Variants in SYNJ1 observed in about 807,000 individuals in gnomAD.
SYNJ1 encodes polyphosphatidylinositol phosphatase SYNJ1.
SYNJ1 carries 78 observed loss-of-function variants against 168.2 expected under a neutral mutation model. The observed-to-expected ratio is 0.46, with a 90% CI of 0.39 to 0.56. The LOEUF (loss-of-function observed/expected upper bound fraction) is 0.56, where lower values mean the gene tolerates loss of function less well. Ranked by LOEUF, SYNJ1 falls within the 20% of genes least tolerant of loss-of-function variation. SYNJ1 has a pLI of 0.00. For missense variants in SYNJ1, 1,303 were observed against 1,597.6 expected (o/e 0.82, Z 3.14); for synonymous variants, 539 against 548.6 (o/e 0.98, Z 0.24).
intron 31 of SYNJ1, among the ~76,000 whole-genome samples, 158 bp from the exon 32 acceptor site, chr21:32,635,042 A>G (rs2039504164): frequency 6.6e-6 from 1 of 152,192 alleles, no homozygotes; most frequent in African/African-American, 2.4e-5. Context: ...TCAAAAGACA[A>G]TTCCAATTCC....
In SYNJ1 at chr21:32,646,554, T is replaced by C; in HGVS notation, c.3086A>G (p.His1029Arg). ...GCCGGAACTTGAAGATGGCTGGAGA[T>C]GCTGAGGAAGAAGTTCCTCCACTTC... ...SAEVEELLPQ[H>R]LQPSSSSGLG... Residue 1029 changes from histidine to arginine, a missense_variant, in exon 24 of 33, where the codon CAT becomes CGT. This residue lies in a region of SYNJ1 where 383 missense variants were observed against 388.8 expected (regional missense o/e 0.99). Coordinates refer to ENST00000674351, the MANE Select transcript of SYNJ1 (RefSeq NM_203446.3). 6.2e-7 allele frequency: 1 copy of C among 1,614,140 alleles called. No homozygotes were observed.
intron 6 of SYNJ1, among the ~76,000 whole-genome samples, chr21:32,691,214 G>GC (rs2146133991): frequency 6.6e-6 from 1 of 152,266 alleles, no homozygotes; most frequent in South Asian, 2.1e-4. Flanking sequence ...TTGGCACTAT[G>GC]CCCCCTTGTA....
upstream of SYNJ1, chr21:32,728,106 A>G (rs1308914857): frequency 5.4e-6 from 8 of 1,485,862 alleles, no homozygotes; most frequent in Admixed American, 6.3e-5. Flanking sequence ...CAGGAGGGAG[A>G]CCACGCCCAC....
intron 18 of SYNJ1, among the ~76,000 whole-genome samples, chr21:32,663,748 C>T (rs541667934): frequency 3.3e-4 from 50 of 152,302 alleles, no homozygotes; most frequent in African/African-American, 1.1e-3. Context: ...CATGCTCAAC[C>T]GAATCATACG....
rs753676431 is a variant in SYNJ1 at position 32,643,464 on chromosome 21, A to G, written c.3431-7T>C. ...CTGGGAGGGGCTCCAATACCTTTTT[A>G]GAGAAAGAACAGAAACTATATATTG... On this transcript the variant is annotated splice_polypyrimidine_tract_variant and splice_region_variant and intron_variant, in intron 26 of 32. Coordinates refer to ENST00000674351, the MANE Select transcript of SYNJ1 (RefSeq NM_203446.3). 1 of 1,613,610 alleles carries G rather than the reference A, an allele frequency of 6.2e-7. No individual in the cohort carries two copies. The highest frequency in any genetic ancestry group is 8.5e-7 in the Non-Finnish European group (1 of 1,179,624).
intron 2 of SYNJ1, among the ~76,000 whole-genome samples, chr21:32,716,918 T>A (rs909347411): frequency 1.3e-5 from 2 of 152,294 alleles, no homozygotes; most frequent in East Asian, 3.9e-4. Flanking sequence ...CAATGTCTAA[T>A]ATAGTAATCC....
intron 24 of SYNJ1, chr21:32,646,023 AAGCTAAT>A (rs2040053814): frequency 1.3e-6 from 1 of 785,934 alleles, no homozygotes; most frequent in African/African-American, 1.7e-5. Context: ...CAGGTGCTGA[AAGCTAAT>A]TTACTAAGTG....
chr21:32,686,713 A>G (rs1393501201), intron 8 of SYNJ1, among the ~76,000 whole-genome samples: 6 of 152,302 alleles, frequency 3.9e-5, no homozygotes, highest in Non-Finnish European at 8.8e-5. Context: ...CAAGGAGGGT[A>G]TTTTTCTGTT....
In SYNJ1 at chr21:32,673,296, A is replaced by G. The variant is rs754135269; in HGVS notation, c.1726+44T>C. 4 of 1,552,512 alleles carry G rather than the reference A, an allele frequency of 2.6e-6. No individual in the cohort carries two copies. The South Asian group carries it at 4.9e-5, about 19-fold the overall frequency. ...TATTTGTTTTCTAGATCAATACAAC[A>G]CAGTCAGGATTTATTAACTAAATCC... On this transcript the variant is annotated intron_variant, in intron 14 of 32. Transcript: ENST00000674351.
intron 3 of SYNJ1, among the ~76,000 whole-genome samples, chr21:32,700,452 A>G (rs1569111933): frequency 6.6e-6 from 1 of 152,054 alleles, no homozygotes; most frequent in Non-Finnish European, 1.5e-5. Flanking sequence ...GCCGGGAATT[A>G]AAGACCACCC....
intron 4 of SYNJ1, 143 bp downstream of exon 4, chr21:32,699,695 G>T (rs1335327422): frequency 4.2e-6 from 4 of 957,658 alleles, no homozygotes; most frequent in Non-Finnish European, 4.6e-6. Flanking sequence ...ATTCTCTGTA[G>T]CTACTTGCTG....
intron 15 of SYNJ1, among the ~76,000 whole-genome samples, chr21:32,667,071 T>C (rs2040965140): frequency 6.6e-6 from 1 of 151,498 alleles, no homozygotes; most frequent in Admixed American, 6.6e-5. Context: ...TTGTAATGTT[T>C]AGGGAATAAC....
At chr21:32,651,454 T>A (rs2040266654) in intron 22 of SYNJ1, among the ~76,000 whole-genome samples, 1 of 152,220 alleles carries the variant, frequency 6.6e-6, no homozygotes, top group Non-Finnish European at 1.5e-5. Context: ...ACACTGAGCT[T>A]TAAAGTCAGA....
At chr21:32,700,434 C>T (rs2042357830) in intron 3 of SYNJ1, among the ~76,000 whole-genome samples, 1 of 152,134 alleles carries the variant, frequency 6.6e-6, no homozygotes, top group Non-Finnish European at 1.5e-5. Flanking sequence ...GCAGGTGGAT[C>T]ACCTGAGGCC....
rs1447192933 is a variant in SYNJ1 at position 32,645,741 on chromosome 21, G to A, written c.3296C>T (p.Pro1099Leu). 4.8e-6 allele frequency: 7 copies of A among 1,467,366 alleles called. No individual in the cohort carries two copies. The African/African-American group carries it at 8.6e-5, about 18-fold the overall frequency. 90.9% of individuals were successfully genotyped at this position (1,467,366 alleles called of 1,614,324 possible). ...CCGCTTGGGCTCCAAGGGCTGGGCG[G>A]GGTCTTTCTGCGGCAGCGGCGTTGC... The part of the protein sequence containing the change: ...QPATPLPQKD[P>L]AQPLEPKRPP... Residue 1099 changes from proline (P) to leucine (L), a missense_variant, in exon 25 of 33, where the codon CCC (proline) becomes CTC (leucine). Around this residue, in one of 2 missense-constraint regions of SYNJ1, gnomAD observed 383 missense variants for 388.8 expected, o/e 0.99. Coordinates refer to ENST00000674351, the MANE Select transcript of SYNJ1 (RefSeq NM_203446.3).
At chr21:32,716,823 A>G (rs1020705084) in intron 2 of SYNJ1, among the ~76,000 whole-genome samples, 2 of 151,934 alleles carry the variant, frequency 1.3e-5, no homozygotes, top group Non-Finnish European at 2.9e-5. Context: ...CTGTGTATTT[A>G]TTTATTTTAG....
chr21:32,658,067 T>C (rs1325262024), intron 18 of SYNJ1, among the ~76,000 whole-genome samples, 195 bp from the exon 19 acceptor site: 2 of 152,124 alleles, frequency 1.3e-5, no homozygotes, highest in Admixed American at 6.5e-5. Context: ...TTCATACCCA[T>C]AGGGACAGGA....
rs1312957871 is a variant in SYNJ1 at position 32,719,933 on chromosome 21, AG to A, written c.124+6838del. Among the ~76,000 whole-genome samples, 7 of 151,946 alleles carry A rather than the reference AG, an allele frequency of 4.6e-5. No individual in the cohort carries two copies. The South Asian group carries it at 6.2e-4, about 14-fold the overall frequency. On this transcript the variant is annotated intron_variant, in intron 2 of 32. Coordinates refer to ENST00000674351, the MANE Select transcript of SYNJ1 (RefSeq NM_203446.3). ...AACTATTAAGTATTGTTTGTGGCCT[AG>A]GGGTGTTGTGAAAAACTTAACGAGG...
At chr21:32,716,963 C>CTT (rs112013821) in intron 2 of SYNJ1, among the ~76,000 whole-genome samples, 7 of 144,736 alleles carry the variant, frequency 4.8e-5, no homozygotes, top group Admixed American at 6.9e-5. Flanking sequence ...GGGTCTTTCA[C>CTT]TTTTTTTTTT....
Sources: gnomAD v4.1 joint callset for allele counts (sites outside exome capture counted in the v4.1 genomes callset) on GRCh38, gnomAD v4.1.1 for gene constraint, gnomAD v4.1.1 regional missense constraint, MANE v1.5 for transcripts, NCBI Gene and HGNC (gene_info 2026-07-23, HGNC 2026-07-21) for gene names.